The following PRKN variants were observed in gnomAD, a reference collection of about 807,000 sequenced individuals.
PRKN encodes parkin RBR E3 ubiquitin protein ligase.
In PRKN, 56 loss-of-function variants were observed where a neutral mutation model predicts 59.5. The ratio of observed to expected loss-of-function variants is 0.94; its 90% CI spans 0.76 to 1.18. PRKN has a LOEUF of 1.18. PRKN is among the 50% of genes most tolerant of loss of function. PRKN has a pLI of 0.00. For missense variants in PRKN, 657 were observed against 596.4 expected (o/e 1.10, Z -1.06); for synonymous variants, 250 against 222.1 (o/e 1.13, Z -1.12).
intron 2 of PRKN, among the ~76,000 whole-genome samples, chr6:162,433,594 C>T (rs1225769856): frequency 6.6e-6 from 1 of 152,126 alleles, no homozygotes; most frequent in African/African-American, 2.4e-5. Flanking sequence ...AGGTACAAAA[C>T]AGGTAAACTG....
At chr6:162,229,880 T>C (rs1167263110) in intron 3 of PRKN, among the ~76,000 whole-genome samples, 1 of 152,226 alleles carries the variant, frequency 6.6e-6, no homozygotes, top group Admixed American at 6.5e-5. Context: ...GCAAATTAAT[T>C]TAATTACTTG....
rs368709996 is a variant in PRKN, at chr6:162,093,495, C to T, written c.535-39321G>A. ...TAACACCTTGCCAGTAAAATTCTCC[C>T]GCACTAACCTGTCTGCCCCTCTCTC... is the stretch of plus-strand genomic sequence containing the variant. On this transcript the variant is annotated intron_variant, in intron 4 of 11. Transcript: ENST00000366898. 6.5e-4 allele frequency among the ~76,000 whole-genome samples: 99 copies of T among 152,206 alleles called. 2 individuals are homozygous for T. In the South Asian group the frequency reaches 0.02, roughly 31 times the overall value.
intron 2 of PRKN, among the ~76,000 whole-genome samples, chr6:162,402,941 C>A (rs73033902): frequency 6.6e-6 from 1 of 152,002 alleles, no homozygotes; most frequent in African/African-American, 2.4e-5. Flanking sequence ...CTCTGCCTGG[C>A]CCTGTCATGC....
intron 6 of PRKN, among the ~76,000 whole-genome samples, chr6:161,956,388 G>C (rs1221213553): frequency 1.3e-5 from 2 of 152,188 alleles, no homozygotes; most frequent in African/African-American, 4.8e-5. Flanking sequence ...AAGAAAATCA[G>C]ATATGGTGAG....
chr6:161,835,761 A>C (rs1792727251), intron 6 of PRKN, among the ~76,000 whole-genome samples: 1 of 152,104 alleles, frequency 6.6e-6, no homozygotes, highest in Non-Finnish European at 1.5e-5. Flanking sequence ...GGACTTTTAA[A>C]AGCCTTTTTA....
At chr6:161,990,962 T>C (rs1383315765) in intron 5 of PRKN, among the ~76,000 whole-genome samples, 1 of 152,186 alleles carries the variant, frequency 6.6e-6, no homozygotes, top group Non-Finnish European at 1.5e-5. Context: ...AGAGTCAGAC[T>C]GTTAAAAGTT....
chr6:162,291,830 C>T (rs1781442470), intron 2 of PRKN, among the ~76,000 whole-genome samples: 1 of 152,012 alleles, frequency 6.6e-6, no homozygotes, highest in Non-Finnish European at 1.5e-5. Flanking sequence ...GGGATTTGGT[C>T]AGGAAATGAA....
chr6:161,942,995 TG>T (rs1779621469), intron 6 of PRKN, among the ~76,000 whole-genome samples: 6 of 152,234 alleles, frequency 3.9e-5, no homozygotes, highest in Admixed American at 2.6e-4. Context: ...TATTCTTATC[TG>T]GGTTGCAAAT....
chr6:162,615,265 A>T (rs1279615326), intron 1 of PRKN, among the ~76,000 whole-genome samples: 1 of 151,878 alleles, frequency 6.6e-6, no homozygotes, highest in African/African-American at 2.4e-5. Flanking sequence ...GTTTTGGCTT[A>T]TTTTTTTTGA....
intron 6 of PRKN, among the ~76,000 whole-genome samples, chr6:161,838,027 A>G (rs549691028): frequency 6.6e-6 from 1 of 152,250 alleles, no homozygotes; most frequent in East Asian, 1.9e-4. Flanking sequence ...CTTGCCTAGG[A>G]CAGAAAGCGG....
At chr6:162,158,757 A>C (rs1311047854) in intron 4 of PRKN, among the ~76,000 whole-genome samples, 1 of 151,660 alleles carries the variant, frequency 6.6e-6, no homozygotes, top group East Asian at 1.9e-4. Context: ...CCTTCTTCCT[A>C]TTCCTTTCTT....
At chr6:162,430,155 C>T (rs200978255) in intron 2 of PRKN, among the ~76,000 whole-genome samples, 69 of 126,406 alleles carry the variant, frequency 5.5e-4, no homozygotes, top group African/African-American at 1.6e-3. Context: ...ATGATGATGA[C>T]GATGACGACG....
intron 2 of PRKN, among the ~76,000 whole-genome samples, chr6:162,318,075 T>C (rs1259334162): frequency 6.6e-6 from 1 of 151,972 alleles, no homozygotes; most frequent in African/African-American, 2.4e-5. Flanking sequence ...ACTTCCTGAT[T>C]CCTACCCCTC....
chr6:162,308,128 A>T (rs1392875847), intron 2 of PRKN, among the ~76,000 whole-genome samples: 1 of 152,160 alleles, frequency 6.6e-6, no homozygotes, highest in Admixed American at 6.5e-5. Context: ...GAACCGAGGG[A>T]TCACTACACA....
At chr6:161,453,865 TA>T (rs1256622722) in intron 9 of PRKN, among the ~76,000 whole-genome samples, 3 of 151,834 alleles carry the variant, frequency 2.0e-5, no homozygotes, top group Non-Finnish European at 4.4e-5. Context: ...CTATACACAT[TA>T]TTCACATAGA....
chr6:161,386,757 G>C lies in PRKN; in HGVS notation c.1167+37C>G, dbSNP rs1445790490. On this transcript the variant is annotated intron_variant, in intron 10 of 11. Transcript: ENST00000366898. This position sits in a 1 kb window ranked among gnomAD's most constrained non-coding sequence, Gnocchi z 4.3. ...CGGCTCCAGTCCCCCACTGTATCCG[G>C]AGCCCTGCTTGGAGGAATGAGTAGG... 6.7e-7 allele frequency: 1 copy of C among 1,490,666 alleles called. No homozygotes were observed. Among genetic ancestry groups the C allele is most frequent in the Non-Finnish European group, 9.4e-7 (1 of 1,067,576 alleles). The allele number at this position is 1,490,666 out of a possible 1,614,324, so 92.3% of individuals were successfully genotyped here.
chr6:162,120,248 C>T (rs1197073750), intron 4 of PRKN, among the ~76,000 whole-genome samples: 2 of 152,216 alleles, frequency 1.3e-5, no homozygotes, highest in Non-Finnish European at 2.9e-5. Flanking sequence ...AAGCAATTCT[C>T]CTGCTTCATC....
intron 2 of PRKN, among the ~76,000 whole-genome samples, chr6:162,410,526 C>T (rs946728603): frequency 1.3e-5 from 2 of 152,148 alleles, no homozygotes; most frequent in Non-Finnish European, 2.9e-5. Context: ...GTGTCTGTCC[C>T]CCTTGCTGAA....
chr6:161,472,009 G>GA (rs1260172253), intron 9 of PRKN, among the ~76,000 whole-genome samples: 1 of 152,006 alleles, frequency 6.6e-6, no homozygotes, highest in African/African-American at 2.4e-5. Context: ...TCTCTCATTT[G>GA]AAAAATTTTT....
Sources: allele counts gnomAD v4.1 joint callset (sites outside exome capture counted in the v4.1 genomes callset), GRCh38; gene constraint gnomAD v4.1.1; non-coding constraint Gnocchi (gnomAD v3.1); transcripts MANE v1.5; gene names NCBI Gene and HGNC (gene_info 2026-07-23, HGNC 2026-07-21).